The following SLC5A7 variants were observed in gnomAD, a reference collection of about 807,000 sequenced individuals.
SLC5A7 encodes high affinity choline transporter 1.
Under a neutral mutation model 55.4 loss-of-function variants are expected in SLC5A7, and 19 were observed. The observed-to-expected ratio is 0.34, with a 90% CI of 0.24 to 0.50. SLC5A7 has a LOEUF of 0.50. SLC5A7 is among the 20% of genes least tolerant of loss of function. SLC5A7 has a pLI of 0.98. For missense variants in SLC5A7, 506 were observed against 705.3 expected (o/e 0.72, Z 3.20); for synonymous variants, 265 against 263.7 (o/e 1.00, Z -0.05).
rs1157953204 is a variant in SLC5A7, at chr2:107,992,976, C to G, written c.297C>G (p.Gly99=). ...AAACAGTTGCTTAATTTTTAGGTGG[C>G]CTGTTCTTTGCAAAACCTATGCGTT... The part of the protein sequence containing the change: ...IGYSLSLILG[G]LFFAKPMRSK... The change falls in exon 4 of 9, where the codon GGC becomes GGG. Residue 99 remains glycine, a synonymous_variant. Transcript: ENST00000264047. The G allele has an allele frequency of 1.9e-6, 3 of 1,613,868 alleles. No homozygotes were observed. In the South Asian group the frequency reaches 3.3e-5, roughly 18 times the overall value.
At chr2:108,003,651 T>A (rs1341167617) in intron 6 of SLC5A7, among the ~76,000 whole-genome samples, 1 of 152,154 alleles carries the variant, frequency 6.6e-6, no homozygotes, top group Non-Finnish European at 1.5e-5. Flanking sequence ...ACCTTCCCAC[T>A]GTACCCATGT....
intron 2 of SLC5A7, among the ~76,000 whole-genome samples, chr2:107,991,411 C>A (rs905155031): frequency 2.0e-5 from 3 of 152,156 alleles, no homozygotes; most frequent in African/African-American, 7.2e-5. Flanking sequence ...TTTAAACTCA[C>A]TTTGGACACC....
chr2:108,013,436 C>G lies in SLC5A7; in HGVS notation c.*2575C>G, dbSNP rs1214504897. The G allele has an allele frequency of 6.6e-6, 1 of 152,008 alleles. No homozygotes were observed. The highest frequency in any genetic ancestry group is 1.5e-5 in the Non-Finnish European group (1 of 68,004). The allele number at this position is 152,008 out of a possible 1,614,324, so 9.4% of individuals were successfully genotyped here. A position where few individuals can be genotyped will look rare whatever the true frequency, so the allele number is the denominator to read the frequency against. ...GGAAACAATGGTCACAAGGTCTTTA[C>G]TTATGCACATTTGTGCATAAATTTC... On this transcript the variant is annotated 3_prime_UTR_variant, in exon 9 of 9. Coordinates refer to ENST00000264047, the MANE Select transcript of SLC5A7 (RefSeq NM_021815.5).
chr2:107,995,236 A>G (rs1307700187), intron 4 of SLC5A7, among the ~76,000 whole-genome samples: 3 of 152,216 alleles, frequency 2.0e-5, no homozygotes, highest in African/African-American at 4.8e-5. Flanking sequence ...GTAATACAAT[A>G]GCTATAATGT....
At chr2:108,001,074 CT>C (rs1465404994) in intron 5 of SLC5A7, among the ~76,000 whole-genome samples, 1 of 151,566 alleles carries the variant, frequency 6.6e-6, no homozygotes, top group Non-Finnish European at 1.5e-5. Context: ...AAATACAATT[CT>C]TTATTAGAAC....
At chr2:108,000,883 C>T (rs1677862702) in intron 5 of SLC5A7, among the ~76,000 whole-genome samples, 2 of 151,472 alleles carry the variant, frequency 1.3e-5, no homozygotes, top group Admixed American at 1.3e-4. Flanking sequence ...GCCTGAGCCA[C>T]AGTGCTCGGC....
intron 2 of SLC5A7, among the ~76,000 whole-genome samples, chr2:107,989,844 TA>T (rs1202857360): frequency 1.3e-5 from 2 of 152,330 alleles, no homozygotes; most frequent in African/African-American, 4.8e-5. Context: ...AATATGGTCA[TA>T]AAAATAATAT....
At position 108,008,877 on chromosome 2, in the gene SLC5A7, G is replaced by T. The variant is rs116445619; in HGVS notation, c.1113+195G>T. ...GCTATCAGTACCTGTTCTTATTCAT[G>T]TCAATACTAAAGGGAACAAATCAAT... On this transcript the variant is annotated intron_variant, in intron 8 of 8. Transcript: ENST00000264047. 0.014 allele frequency among the ~76,000 whole-genome samples: 2,077 copies of T among 150,688 alleles called. 45 individuals are homozygous for T. The highest frequency in any genetic ancestry group is 0.048 in the African/African-American group (1,985 of 40,936).
intron 2 of SLC5A7, 73 bp downstream of exon 2, chr2:107,988,406 C>A: frequency 7.2e-7 from 1 of 1,395,294 alleles, no homozygotes; most frequent in Non-Finnish European, 9.7e-7. Flanking sequence ...CGTGTGGCTT[C>A]AGAGTGACAA....
chr2:108,007,497 TG>T (rs1678170594), intron 7 of SLC5A7, among the ~76,000 whole-genome samples: 1 of 151,968 alleles, frequency 6.6e-6, no homozygotes, highest in South Asian at 2.1e-4. Flanking sequence ...TGTGTGTGTG[TG>T]TGTGTCTGTG....
chr2:107,988,802 A>C (rs1677339558), intron 2 of SLC5A7, among the ~76,000 whole-genome samples: 1 of 152,242 alleles, frequency 6.6e-6, no homozygotes, highest in African/African-American at 2.4e-5. Context: ...AATCTGCATA[A>C]ATAAATTTGG....
At chr2:107,995,470 A>AGAGAGAGAGTGTGT (rs1405177003) in intron 4 of SLC5A7, among the ~76,000 whole-genome samples, 75 of 137,250 alleles carry the variant, frequency 5.5e-4, no homozygotes, top group African/African-American at 2.0e-3. Flanking sequence ...AGAGAGAGAG[A>AGAGAGAGAGTGTGT]GTGTGTGTGT....
At chr2:108,001,691 A>AG (rs1398853074) in intron 5 of SLC5A7, among the ~76,000 whole-genome samples, 8 of 135,254 alleles carry the variant, frequency 5.9e-5, no homozygotes, top group Admixed American at 1.4e-4. Context: ...AAAAAAAAAG[A>AG]AAAGAAATAG....
intron 2 of SLC5A7, among the ~76,000 whole-genome samples, chr2:107,990,329 A>G (rs968099117): frequency 3.9e-5 from 6 of 152,230 alleles, no homozygotes; most frequent in South Asian, 2.1e-4. Flanking sequence ...GACAAGGGAC[A>G]GTAGACTTAC....
intron 7 of SLC5A7, among the ~76,000 whole-genome samples, chr2:108,007,934 C>A (rs906410505): frequency 5.9e-5 from 9 of 152,056 alleles, no homozygotes; most frequent in Non-Finnish European, 1.0e-4. Context: ...AATTTTTATT[C>A]AATAAAAAGG....
rs536711318 is a variant in SLC5A7 at position 108,010,184 on chromosome 2, G to T, written c.1114-48G>T. The T allele has an allele frequency of 5.4e-5, 84 of 1,564,818 alleles. 1 individual carries two copies. The Admixed American group carries it at 1.5e-3, about 28-fold the overall frequency. On this transcript the variant is annotated intron_variant, in intron 8 of 8. Transcript: ENST00000264047. Reference sequence around the variant, plus strand: ...AATATGTCTCATTCTTTGCCTAAATGAGCCAAGACACTGTGCAAAAAGCTG... The same window carrying T: ...AATATGTCTCATTCTTTGCCTAAATTAGCCAAGACACTGTGCAAAAAGCTG...
chr2:107,994,054 C>T (rs1316548214), intron 4 of SLC5A7, among the ~76,000 whole-genome samples: 3 of 152,154 alleles, frequency 2.0e-5, no homozygotes, highest in African/African-American at 4.8e-5. Flanking sequence ...TCCAATCTAC[C>T]CTTAGAGACA....
chr2:107,989,237 C>T (rs1237543699), intron 2 of SLC5A7, among the ~76,000 whole-genome samples: 2 of 152,174 alleles, frequency 1.3e-5, no homozygotes, highest in African/African-American at 4.8e-5. Context: ...ACATTTGCAA[C>T]ATAGCAAGAA....
chr2:107,992,891 T>G (rs903791737), intron 3 of SLC5A7, 81 bp from the exon 4 acceptor site: 51 of 1,499,516 alleles, frequency 3.4e-5, no homozygotes, highest in Admixed American at 5.7e-5. Flanking sequence ...AAATGCATTT[T>G]CCTTGATAAA....
Sources: allele counts gnomAD v4.1 joint callset (sites outside exome capture counted in the v4.1 genomes callset), GRCh38; gene constraint gnomAD v4.1.1; transcripts MANE v1.5; gene names NCBI Gene and HGNC (gene_info 2026-07-23, HGNC 2026-07-21).